The following MAST2 variants were observed in gnomAD, a reference collection of about 807,000 sequenced individuals.
MAST2 encodes the protein microtubule associated serine/threonine kinase 2.
In MAST2, 70 loss-of-function variants were observed where a neutral mutation model predicts 147.4. That is an observed-to-expected ratio of 0.47 (90% confidence interval 0.39 to 0.58). The LOEUF (loss-of-function observed/expected upper bound fraction) is 0.58. Ranked by LOEUF, MAST2 falls within the 20% of genes least tolerant of loss-of-function variation. The pLI is 0.00. For missense variants in MAST2, 2,080 were observed against 2,302.3 expected (o/e 0.90, Z 1.98); for synonymous variants, 869 against 896.8 (o/e 0.97, Z 0.55).
At chr1:46,009,758 C>T (rs530002874) in intron 9 of MAST2, among the ~76,000 whole-genome samples, 1 of 152,276 alleles carries the variant, frequency 6.6e-6, no homozygotes, top group South Asian at 2.1e-4. Context: ...TTCTCCTCTA[C>T]TCCCACTTTT....
intron 4 of MAST2, among the ~76,000 whole-genome samples, chr1:45,934,653 C>A (rs945949266): frequency 3.3e-5 from 5 of 152,202 alleles, no homozygotes; most frequent in African/African-American, 1.2e-4. Context: ...TCAAACTCTG[C>A]CTCAAGTGAT....
rs1646842964 is a variant in MAST2, at chr1:46,035,005, G to T, written c.4336G>T (p.Val1446Leu). The T allele has an allele frequency of 6.2e-7, 1 of 1,614,112 alleles. No individual in the cohort carries two copies. Among genetic ancestry groups the T allele is most frequent in the African/African-American group, 1.3e-5 (1 of 75,070 alleles). The change falls in exon 29 of 29, where the codon GTG becomes TTG. Residue 1446 changes from valine (V) to leucine (L), a missense_variant. By Grantham distance (32) the Val-to-Leu change is conservative. Around this residue, in one of 4 missense-constraint regions of MAST2, gnomAD observed 1,278 missense variants for 1,304.2 expected, o/e 0.98. Coordinates refer to ENST00000361297, the MANE Select transcript of MAST2 (RefSeq NM_015112.3). The surrounding 1 kb of genome is among the most constrained non-coding windows in gnomAD (Gnocchi z 5.5). ...AAAGAAGGAACTGCCGCCCAGGGAAGTGAGCCCTCTGGAGGTAGTTGGAGC... is the reference window on the plus strand; with the variant it reads ...AAAGAAGGAACTGCCGCCCAGGGAATTGAGCCCTCTGGAGGTAGTTGGAGC... ...ELKKELPPRE[V>L]SPLEVVGARS... is the part of the protein sequence containing the mutation.
chr1:45,954,689 G>GT (rs1410474420), intron 4 of MAST2, among the ~76,000 whole-genome samples: 3 of 152,182 alleles, frequency 2.0e-5, no homozygotes, highest in Non-Finnish European at 4.4e-5. Flanking sequence ...AAATTAGCCA[G>GT]TTCCTTGTTG....
At chr1:45,907,394 T>C (rs1012960592) in intron 4 of MAST2, among the ~76,000 whole-genome samples, 2 of 152,176 alleles carry the variant, frequency 1.3e-5, no homozygotes, top group African/African-American at 4.8e-5. Flanking sequence ...TCTTAACTCC[T>C]TTTGAATTAA....
intron 3 of MAST2, among the ~76,000 whole-genome samples, chr1:45,856,841 C>T (rs961368072): frequency 6.6e-6 from 1 of 150,966 alleles, no homozygotes; most frequent in Non-Finnish European, 1.5e-5. Flanking sequence ...GGGTAGTGGG[C>T]TGGGCTGAGC....
intron 5 of MAST2, among the ~76,000 whole-genome samples, chr1:45,980,322 T>G (rs1571046964): frequency 6.7e-6 from 1 of 148,206 alleles, no homozygotes; most frequent in South Asian, 2.1e-4. Flanking sequence ...GGAGACTACT[T>G]AGAGGGGGCA....
intron 5 of MAST2, among the ~76,000 whole-genome samples, chr1:45,975,339 A>G (rs967930600): frequency 2.0e-5 from 3 of 152,088 alleles, no homozygotes; most frequent in Admixed American, 1.3e-4. Flanking sequence ...AAATAGAATT[A>G]TATGATTAGG....
chr1:46,034,860 C>T lies in MAST2; in HGVS notation c.4191C>T (p.Pro1397=). ...QLSRPKSAEP[P]RSPLLKRVQS... is the part of the protein sequence containing the mutation. ...CACGGCCCAAGAGTGCGGAGCCACC[C>T]CGTTCACCACTACTCAAGAGGGTGC... The change falls in exon 29 of 29, where the codon CCC becomes CCT. Residue 1397 remains proline (P), a synonymous_variant. Transcript: ENST00000361297. 2 of 1,614,252 alleles carry T rather than the reference C, an allele frequency of 1.2e-6. No individual in the cohort carries two copies. The highest frequency in any genetic ancestry group is 2.2e-5 in the East Asian group (1 of 44,888).
intron 3 of MAST2, among the ~76,000 whole-genome samples, chr1:45,856,590 T>C (rs950382111): frequency 4.6e-5 from 7 of 152,342 alleles, no homozygotes; most frequent in African/African-American, 1.4e-4. Flanking sequence ...TTGGTTTGGC[T>C]TGCTTCTGTA....
At chr1:45,941,713 G>T (rs991300966) in intron 4 of MAST2, among the ~76,000 whole-genome samples, 1 of 150,748 alleles carries the variant, frequency 6.6e-6, no homozygotes, top group African/African-American at 2.4e-5. Flanking sequence ...TATTGCACTG[G>T]CTAGAACCTC....
intron 5 of MAST2, among the ~76,000 whole-genome samples, chr1:45,985,383 C>T (rs1032803825): frequency 9.2e-5 from 14 of 152,228 alleles, no homozygotes; most frequent in African/African-American, 2.9e-4. Flanking sequence ...CGTGAGCCAC[C>T]GCACCCAGCC....
At chr1:45,831,047 A>AG (rs1193711152) in intron 3 of MAST2, among the ~76,000 whole-genome samples, 1 of 151,830 alleles carries the variant, frequency 6.6e-6, no homozygotes, top group Non-Finnish European at 1.5e-5. Context: ...AAAAAAAAAA[A>AG]AAGCCTTTTG....
intron 6 of MAST2, among the ~76,000 whole-genome samples, chr1:45,998,853 G>A (rs1377015555): frequency 2.0e-5 from 3 of 151,500 alleles, no homozygotes. Flanking sequence ...TCAGCCTCCC[G>A]AGTAGCTGGG....
chr1:45,844,582 C>T (rs1029150985), intron 3 of MAST2, among the ~76,000 whole-genome samples: 1 of 152,088 alleles, frequency 6.6e-6, no homozygotes, highest in Non-Finnish European at 1.5e-5. Flanking sequence ...CCGCGGCCAG[C>T]TTAATTTTTA....
chr1:45,878,219 A>T (rs1646691756), intron 3 of MAST2, among the ~76,000 whole-genome samples: 1 of 152,040 alleles, frequency 6.6e-6, no homozygotes, highest in Admixed American at 6.6e-5. Context: ...AAAAAAAAAA[A>T]AAAAGTTGAC....
At chr1:45,985,079 C>CG (rs1558004362) in intron 5 of MAST2, among the ~76,000 whole-genome samples, 2 of 151,794 alleles carry the variant, frequency 1.3e-5, no homozygotes, top group African/African-American at 4.8e-5. Context: ...TTTTTTGAGA[C>CG]GGAGTTTCAC....
chr1:45,961,431 G>T (rs1660402376), intron 5 of MAST2, among the ~76,000 whole-genome samples: 1 of 152,174 alleles, frequency 6.6e-6, no homozygotes, highest in African/African-American at 2.4e-5. Flanking sequence ...CTCTTCTCTA[G>T]ATGATTATCT....
chr1:45,894,803 A>G (rs987306600), intron 4 of MAST2, among the ~76,000 whole-genome samples: 4 of 152,168 alleles, frequency 2.6e-5, no homozygotes, highest in Non-Finnish European at 5.9e-5. Flanking sequence ...GTCACAATTA[A>G]TTTGATAATG....
Position 46,029,500 on chromosome 1 carries a change from G to C in MAST2, c.2253G>C (p.Leu751=). ...TGTGGCCTGAGGGTGATGAGGCACTGCCCCCAGACGCCCAGGACCTCACCT... is the reference window on the plus strand; with the variant it reads ...TGTGGCCTGAGGGTGATGAGGCACTCCCCCCAGACGCCCAGGACCTCACCT... The part of the protein sequence containing the change: ...EIVWPEGDEA[L]PPDAQDLTSK... The change falls in exon 19 of 29, where the codon CTG becomes CTC. Residue 751 remains leucine, a synonymous_variant. Transcript: ENST00000361297. 6.2e-7 allele frequency: 1 copy of C among 1,614,060 alleles called. No homozygotes were observed. The highest frequency in any genetic ancestry group is 8.5e-7 in the Non-Finnish European group (1 of 1,179,978).
Sources: gnomAD v4.1 joint callset for allele counts (sites outside exome capture counted in the v4.1 genomes callset) on GRCh38, gnomAD v4.1.1 for gene constraint, gnomAD v4.1.1 regional missense constraint, Gnocchi (gnomAD v3.1) non-coding constraint, MANE v1.5 for transcripts, NCBI Gene and HGNC (gene_info 2026-07-23, HGNC 2026-07-21) for gene names.